The following RMND1 variants were observed in gnomAD, a reference collection of about 807,000 sequenced individuals.
The protein encoded by RMND1 is required for meiotic nuclear division protein 1 homolog.
In RMND1, 41 loss-of-function variants were observed where a neutral mutation model predicts 54.0. That is an observed-to-expected ratio of 0.76 (90% CI 0.59 to 0.98). The LOEUF is 0.98. RMND1 is among the 50% of genes least tolerant of loss of function. The pLI is 0.00. For synonymous variants in RMND1, 183 were observed against 181.7 expected, an observed-to-expected ratio of 1.01 and a Z score of -0.06; for missense variants, 457 against 532.0, an observed-to-expected ratio of 0.86 and a Z score of 1.39.
rs1385119134 is a variant in RMND1, at chr6:151,444,205, CTT to C, written c.504+1101_504+1102del. Among the ~76,000 whole-genome samples the C allele has an allele frequency of 3.9e-5, 6 of 152,194 alleles. No homozygotes were observed. In the East Asian group the frequency reaches 1.2e-3, roughly 29 times the overall value. On this transcript the variant is annotated intron_variant, in intron 2 of 11. Coordinates refer to ENST00000444024, the MANE Select transcript of RMND1 (RefSeq NM_017909.4). ...TTACAAATGAACAAAGTGAGTTGAG[CTT>C]TCTCTTTTTTGGAGCTGCCATGAAT...
intron 3 of RMND1, among the ~76,000 whole-genome samples, chr6:151,433,832 TTTTG>T (rs527398895): frequency 1.8e-3 from 276 of 150,922 alleles, no homozygotes; most frequent in African/African-American, 4.6e-3. Flanking sequence ...AAAGTTTTTT[TTTTG>T]TTTGTTTGTT....
intron 6 of RMND1, among the ~76,000 whole-genome samples, chr6:151,425,451 T>C (rs17054363): frequency 0.14 from 21,363 of 150,250 alleles, 1,665 homozygotes; most frequent in East Asian, 0.36. Flanking sequence ...TGGATAAGCG[T>C]ACACACACAC....
Position 151,445,403 on chromosome 6 carries a change from G to T in RMND1, c.409C>A (p.Pro137Thr). 1 of 1,613,962 alleles carries T rather than the reference G, an allele frequency of 6.2e-7. No homozygotes were observed. The highest frequency in any genetic ancestry group is 8.5e-7 in the Non-Finnish European group (1 of 1,179,882). ...TTCACCTGTGGGAAGTCTTGTTTTGGAACAAATGTTTCCGTTGATACAGAT... is the reference window on the plus strand; with the variant it reads ...TTCACCTGTGGGAAGTCTTGTTTTGTAACAAATGTTTCCGTTGATACAGAT... Reference protein sequence around the residue: ...FSSVSTETFVPKQDFPQVKRP... With the variant: ...FSSVSTETFVTKQDFPQVKRP... Residue 137 changes from proline to threonine, a missense_variant, in exon 2 of 12, where the codon CCA (proline) becomes ACA (threonine). By Grantham distance (38) the Pro-to-Thr change is conservative (BLOSUM62 -1). Transcript: ENST00000444024.
chr6:151,431,069 G>A (rs1050186104), intron 4 of RMND1, among the ~76,000 whole-genome samples: 1 of 152,054 alleles, frequency 6.6e-6, no homozygotes, highest in African/African-American at 2.4e-5. Flanking sequence ...AGTATGCAGA[G>A]TATACCATGA....
intron 4 of RMND1, 56 bp downstream of exon 4, chr6:151,433,099 C>G (rs1780491220): frequency 9.2e-7 from 1 of 1,089,936 alleles, no homozygotes. Context: ...CTTTAAAGAC[C>G]ACAATTACTT....
rs571846302 is a variant in RMND1 at position 151,450,032 on chromosome 6, C to A, written c.-15+1984G>T. Among the ~76,000 whole-genome samples, 8 of 152,298 alleles carry A rather than the reference C, an allele frequency of 5.3e-5. No individual in the cohort carries two copies. The South Asian group carries it at 1.7e-3, about 32-fold the overall frequency. On this transcript the variant is annotated intron_variant, in intron 1 of 11. Coordinates refer to ENST00000444024, the MANE Select transcript of RMND1 (RefSeq NM_017909.4). ...ACCTCCCAGCCGCCTGCCTTGGCCT[C>A]CCAAAGTGCCGAGATTGCAGCCTCT...
intron 5 of RMND1, among the ~76,000 whole-genome samples, chr6:151,428,165 A>T (rs1780356718): frequency 1.3e-5 from 2 of 152,142 alleles, no homozygotes; most frequent in South Asian, 4.1e-4. Flanking sequence ...ACTAATAAAA[A>T]ATTAAGCCAC....
intron 5 of RMND1, among the ~76,000 whole-genome samples, chr6:151,428,205 C>G (rs1365020459): frequency 6.6e-6 from 1 of 152,206 alleles, no homozygotes; most frequent in Non-Finnish European, 1.5e-5. Context: ...ATCTCTTTCT[C>G]TCTTCTGTAC....
At chr6:151,449,645 TCCTCTCCCTCTCCCC>T (rs1562803334) in intron 1 of RMND1, among the ~76,000 whole-genome samples, 1 of 151,494 alleles carries the variant, frequency 6.6e-6, no homozygotes, top group Non-Finnish European at 1.5e-5. Context: ...TCCCTCTCCC[TCCTCTCCCTCTCCCC>T]ACGGTCCCCC....
At chr6:151,446,468 T>C (rs1014854317) in intron 1 of RMND1, among the ~76,000 whole-genome samples, 9 of 151,124 alleles carry the variant, frequency 6.0e-5, no homozygotes, top group African/African-American at 2.2e-4. Flanking sequence ...AGATCTAAGC[T>C]GATTCTAGAA....
intron 2 of RMND1, among the ~76,000 whole-genome samples, chr6:151,442,175 AAC>A (rs900825448): frequency 3.3e-5 from 5 of 152,320 alleles, no homozygotes; most frequent in African/African-American, 9.6e-5. Context: ...AAGCTATAAA[AAC>A]ACAGATACAT....
At chr6:151,449,059 TC>T (rs1475194523) in intron 1 of RMND1, among the ~76,000 whole-genome samples, 6 of 20,928 alleles carry the variant, frequency 2.9e-4, no homozygotes, top group African/African-American at 1.8e-3. Context: ...AGACTCTGTC[TC>T]AAAAAAAAAA....
At chr6:151,443,225 T>C (rs2114968243) in intron 2 of RMND1, among the ~76,000 whole-genome samples, 1 of 152,322 alleles carries the variant, frequency 6.6e-6, no homozygotes, top group East Asian at 1.9e-4. Flanking sequence ...TACCTAGTCA[T>C]GCCAAGACTG....
chr6:151,449,644 CT>C (rs1562803324), intron 1 of RMND1, among the ~76,000 whole-genome samples: 3 of 151,908 alleles, frequency 2.0e-5, no homozygotes, highest in East Asian at 1.9e-4. Context: ...CTCCCTCTCC[CT>C]CCTCTCCCTC....
At position 151,444,955 on chromosome 6, in the gene RMND1, A is replaced by T. The variant is rs1347111672; in HGVS notation, c.504+353T>A. 2.8e-5 allele frequency: 5 copies of T among 180,786 alleles called. No individual in the cohort carries two copies. In the East Asian group the frequency reaches 7.1e-4, roughly 26 times the overall value. The allele number at this position is 180,786 out of a possible 1,614,324, so 11.2% of individuals were successfully genotyped here. A position where few individuals can be genotyped will look rare whatever the true frequency, so the allele number is the denominator to read the frequency against. ...CAGAGTTACAATTTTTTTTAACTTGATGAAGAATTTCTAGTTTGTTTTTTT... is the reference window on the plus strand; with the variant it reads ...CAGAGTTACAATTTTTTTTAACTTGTTGAAGAATTTCTAGTTTGTTTTTTT... On this transcript the variant is annotated intron_variant, in intron 2 of 11. Transcript: ENST00000444024.
chr6:151,415,828 G>A (rs987926533), intron 10 of RMND1, among the ~76,000 whole-genome samples: 7 of 149,096 alleles, frequency 4.7e-5, no homozygotes, highest in African/African-American at 1.7e-4. Context: ...CATACTGTAT[G>A]ACTATCTATA....
Position 151,405,024 on chromosome 6 carries a change from A to C in RMND1, c.*211T>G. The C allele has an allele frequency of 2.0e-6, 1 of 490,352 alleles. No homozygotes were observed. The highest frequency in any genetic ancestry group is 3.6e-6 in the Non-Finnish European group (1 of 276,430). 30.4% of individuals were successfully genotyped at this position (490,352 alleles called of 1,614,324 possible). ...GCTGAGATGACGGGCGTGTGCCAAC[A>C]CACCTGGCTAATTTTGGTATTTTTA... On this transcript the variant is annotated 3_prime_UTR_variant, in exon 12 of 12. Coordinates refer to ENST00000444024, the MANE Select transcript of RMND1 (RefSeq NM_017909.4).
rs71014585 is a variant in RMND1, at chr6:151,449,060, C to CAAAA, written c.-15+2952_-15+2955dup. Among the ~76,000 whole-genome samples the CAAAA allele has an allele frequency of 3.8e-3, 71 of 18,676 alleles. 13 individuals carry two copies. The highest frequency in any genetic ancestry group is 0.012 in the East Asian group (8 of 686). The allele number at this position is 18,676 out of a possible 152,430, so 12.3% of individuals were successfully genotyped here. A position where few individuals can be genotyped will look rare whatever the true frequency, so the allele number is the denominator to read the frequency against. The stretch of plus-strand genomic sequence containing the variant: ...TGAGCAACAAAGCGAGACTCTGTCT[C>CAAAA]AAAAAAAAAAAAAAAAAAAAAAAAA... On this transcript the variant is annotated intron_variant, in intron 1 of 11. Transcript: ENST00000444024.
At chr6:151,417,598 C>T (rs1582947660) in intron 9 of RMND1, among the ~76,000 whole-genome samples, 199 bp from the exon 10 acceptor site, 1 of 151,748 alleles carries the variant, frequency 6.6e-6, no homozygotes, top group East Asian at 1.9e-4. Context: ...TCAAGCTGTT[C>T]TCCTGCCTCA....
Sources: allele counts gnomAD v4.1 joint callset (sites outside exome capture counted in the v4.1 genomes callset), GRCh38; gene constraint gnomAD v4.1.1; transcripts MANE v1.5; gene names NCBI Gene and HGNC (gene_info 2026-07-23, HGNC 2026-07-21).